The following PDE4D variants were observed in gnomAD, a reference collection of about 807,000 sequenced individuals.
The protein encoded by PDE4D is phosphodiesterase 4D.
PDE4D carries 24 observed loss-of-function variants against 87.4 expected under a neutral mutation model. The ratio of observed to expected loss-of-function variants is 0.27; its 90% CI spans 0.20 to 0.39. The LOEUF (loss-of-function observed/expected upper bound fraction) is 0.39. Among genes scored for constraint, PDE4D ranks in the 10% least tolerant of loss-of-function variants. PDE4D has a pLI of 1.00. For synonymous variants in PDE4D, 384 were observed against 383.2 expected, an observed-to-expected ratio of 1.00 and a Z score of -0.02; for missense variants, 714 against 1,041.0, an observed-to-expected ratio of 0.69 and a Z score of 4.32.
chr5:59,701,589 G>A (rs1412067553), intron 1 of PDE4D, among the ~76,000 whole-genome samples: 2 of 152,218 alleles, frequency 1.3e-5, no homozygotes, highest in Non-Finnish European at 2.9e-5. Context: ...ATTCAAGAAT[G>A]AGTGTGAGGG....
intron 2 of PDE4D, among the ~76,000 whole-genome samples, chr5:60,182,667 G>A (rs2910828): frequency 0.51 from 76,964 of 151,672 alleles, 19,900 homozygotes; most frequent in Admixed American, 0.54. Flanking sequence ...TCACGAGGTC[G>A]GGAGATTGAG....
At chr5:59,538,289 G>A (rs575828975) in intron 1 of PDE4D, among the ~76,000 whole-genome samples, 53 of 152,150 alleles carry the variant, frequency 3.5e-4, no homozygotes, top group Non-Finnish European at 6.5e-4. Flanking sequence ...AAGTATTTAT[G>A]AGAATAAAGA....
intron 6 of PDE4D, chr5:58,999,633 CA>C: frequency 8.5e-7 from 1 of 1,183,330 alleles, no homozygotes; most frequent in Non-Finnish European, 1.0e-6. Context: ...ACAACCTCCA[CA>C]AGCCACGCAG....
intron 3 of PDE4D, among the ~76,000 whole-genome samples, chr5:59,900,091 C>G (rs1389888344): frequency 6.6e-6 from 1 of 151,666 alleles, no homozygotes; most frequent in African/African-American, 2.4e-5. Flanking sequence ...AATACAAAAA[C>G]TAGCCAGGTG....
chr5:59,823,794 T>G (rs1163229053), intron 1 of PDE4D, among the ~76,000 whole-genome samples: 2 of 78,776 alleles, frequency 2.5e-5, no homozygotes, highest in Non-Finnish European at 3.5e-5. Context: ...AACCCTTCCA[T>G]TTTTTTTTTA....
chr5:59,831,334 A>C (rs1012491961), intron 1 of PDE4D, among the ~76,000 whole-genome samples: 7 of 151,474 alleles, frequency 4.6e-5, no homozygotes, highest in Admixed American at 2.6e-4. Context: ...CTCAAAAAAA[A>C]AAAAAAAAAA....
chr5:59,400,597 G>C (rs552348985), intron 1 of PDE4D, among the ~76,000 whole-genome samples: 4 of 128,204 alleles, frequency 3.1e-5, no homozygotes, highest in Admixed American at 8.6e-5. Flanking sequence ...GTGGGGGGAG[G>C]GGGGAGGGAT....
intron 1 of PDE4D, among the ~76,000 whole-genome samples, chr5:60,269,995 C>G (rs955762142): frequency 3.9e-5 from 6 of 152,100 alleles, no homozygotes; most frequent in African/African-American, 1.2e-4. Context: ...AGGGGAGAGA[C>G]AGTGAGACTG....
At chr5:59,691,391 T>C (rs1361539226) in intron 1 of PDE4D, among the ~76,000 whole-genome samples, 1 of 152,002 alleles carries the variant, frequency 6.6e-6, no homozygotes, top group Admixed American at 6.6e-5. Flanking sequence ...TATGCAGCCA[T>C]AAAAAATGAT....
chr5:59,160,431 T>A (rs1780892075), intron 5 of PDE4D, among the ~76,000 whole-genome samples: 1 of 152,188 alleles, frequency 6.6e-6, no homozygotes, highest in African/African-American at 2.4e-5. Context: ...AATATCGCTG[T>A]TGTCTTTGAG....
chr5:60,266,305 G>A (rs1252668565), intron 1 of PDE4D, among the ~76,000 whole-genome samples: 1 of 152,182 alleles, frequency 6.6e-6, no homozygotes, highest in Non-Finnish European at 1.5e-5. Flanking sequence ...ATGAAAGCAG[G>A]CTCTGGAGAG....
At chr5:60,062,607 C>A (rs773519165) in intron 2 of PDE4D, among the ~76,000 whole-genome samples, 1 of 152,092 alleles carries the variant, frequency 6.6e-6, no homozygotes, top group Admixed American at 6.6e-5. Context: ...TATAAAGACA[C>A]GTGCATATGT....
chr5:59,873,542 A>G (rs1748125972), intron 1 of PDE4D, among the ~76,000 whole-genome samples: 1 of 152,246 alleles, frequency 6.6e-6, no homozygotes, highest in African/African-American at 2.4e-5. Context: ...AGATTCTATT[A>G]GGCTGAACCA....
At chr5:60,359,661 GACA>G (rs1479601464) in intron 1 of PDE4D, among the ~76,000 whole-genome samples, 1 of 152,112 alleles carries the variant, frequency 6.6e-6, no homozygotes, top group Non-Finnish European at 1.5e-5. Flanking sequence ...TCTTCACAAG[GACA>G]ACACTTTCAG....
chr5:59,594,492 C>T (rs933751868), intron 1 of PDE4D, among the ~76,000 whole-genome samples: 4 of 151,644 alleles, frequency 2.6e-5, no homozygotes, highest in East Asian at 1.9e-4. Context: ...GGCTAATTTT[C>T]GTGTTTTCAG....
At chr5:59,601,873 C>G (rs1213803974) in intron 1 of PDE4D, among the ~76,000 whole-genome samples, 1 of 152,052 alleles carries the variant, frequency 6.6e-6, no homozygotes, top group Non-Finnish European at 1.5e-5. Context: ...CAATTTTCCT[C>G]AAACTCTTTC....
chr5:59,557,427 A>T lies in PDE4D; in HGVS notation c.455+335741T>A, dbSNP rs373233424. 1.1e-4 allele frequency among the ~76,000 whole-genome samples: 16 copies of T among 151,810 alleles called. No homozygotes were observed. The East Asian group carries it at 2.5e-3, about 24-fold the overall frequency. ...TGGCATTTTGAGATCTAGAATCTTT[A>T]TATGCCACCCCTGCCGCCATTGCCG... On this transcript the variant is annotated intron_variant, in intron 1 of 14. Coordinates refer to ENST00000340635, the MANE Select transcript of PDE4D (RefSeq NM_001104631.2).
intron 1 of PDE4D, among the ~76,000 whole-genome samples, chr5:60,424,254 C>T (rs1743430075): frequency 1.3e-5 from 2 of 152,136 alleles, no homozygotes; most frequent in Non-Finnish European, 2.9e-5. Flanking sequence ...GACCATTATC[C>T]CTGATGAACA....
At chr5:60,422,899 T>C (rs866434989) in intron 1 of PDE4D, among the ~76,000 whole-genome samples, 26 of 152,262 alleles carry the variant, frequency 1.7e-4, no homozygotes, top group African/African-American at 5.8e-4. Context: ...GCAATCCTGG[T>C]CTCTGACAAA....
Sources: gnomAD v4.1 joint callset for allele counts (sites outside exome capture counted in the v4.1 genomes callset) on GRCh38, gnomAD v4.1.1 for gene constraint, MANE v1.5 for transcripts, NCBI Gene and HGNC (gene_info 2026-07-23, HGNC 2026-07-21) for gene names.